The following EVI5 variants were observed in gnomAD, a reference collection of about 807,000 sequenced individuals.
EVI5 encodes the protein ecotropic viral integration site 5 protein homolog.
Under a neutral mutation model 112.0 loss-of-function variants are expected in EVI5, and 73 were observed. The observed-to-expected ratio is 0.65, with a 90% CI of 0.54 to 0.79. EVI5 has a LOEUF of 0.79. EVI5 is among the 30% of genes least tolerant of loss of function. EVI5 has a pLI of 0.00. For synonymous variants in EVI5, 305 were observed against 319.9 expected, an observed-to-expected ratio of 0.95 and a Z score of 0.50; for missense variants, 900 against 968.8, an observed-to-expected ratio of 0.93 and a Z score of 0.94.
At chr1:92,594,825 A>G (rs988311279) in intron 18 of EVI5, among the ~76,000 whole-genome samples, 12 of 150,998 alleles carry the variant, frequency 7.9e-5, no homozygotes, top group African/African-American at 2.9e-4. Flanking sequence ...AATGCTCATC[A>G]TCACTGGCCA....
At chr1:92,654,517 G>GA (rs1558005034) in intron 13 of EVI5, among the ~76,000 whole-genome samples, 1 of 151,926 alleles carries the variant, frequency 6.6e-6, no homozygotes, top group African/African-American at 2.4e-5. Flanking sequence ...TCCTTCAGAG[G>GA]AAAAAAATTC....
Position 92,695,397 on chromosome 1 carries a change from C to T in EVI5, c.822G>A (p.Met274Ile). Reference sequence around the variant, plus strand: ...TAGTCAGAAACCAGGATGATGCATACATTGAGGTATGAAAACTCTGAGATT... The same window carrying T: ...TAGTCAGAAACCAGGATGATGCATATATTGAGGTATGAAAACTCTGAGATT... ...HFQSQSFHTS[M>I]YASSWFLTIF... The change falls in exon 7 of 20, where the codon ATG (methionine) becomes ATA (isoleucine). Residue 274 changes from methionine (M) to isoleucine (I), a missense_variant. Coordinates refer to ENST00000684568, the MANE Select transcript of EVI5 (RefSeq NM_001350197.2). The T allele has an allele frequency of 1.2e-6, 2 of 1,606,186 alleles. No homozygotes were observed. The highest frequency in any genetic ancestry group is 1.1e-5 in the South Asian group (1 of 90,762).
At position 92,752,825 on chromosome 1, in the gene EVI5, G is replaced by GCTTA. The variant is rs199878703; in HGVS notation, c.-81-16202_-81-16199dup. Among the ~76,000 whole-genome samples the GCTTA allele has an allele frequency of 2.9e-3, 442 of 152,196 alleles. 2 individuals carry two copies. Among genetic ancestry groups the GCTTA allele is most frequent in the African/African-American group, 9.8e-3 (408 of 41,532 alleles). On this transcript the variant is annotated intron_variant, in intron 1 of 19. Transcript: ENST00000684568. ...ATGAGCATCAAGCAGTGAGCCCACT[G>GCTTA]CTTAGTAATACCAGTATCACTCACT...
chr1:92,598,127 C>G (rs943986296), intron 18 of EVI5, among the ~76,000 whole-genome samples: 4 of 152,082 alleles, frequency 2.6e-5, no homozygotes, highest in Admixed American at 6.6e-5. Context: ...TTGTCTCCCC[C>G]ACCACTGCCC....
At chr1:92,557,584 C>T (rs1334983059) in intron 19 of EVI5, among the ~76,000 whole-genome samples, 1 of 152,032 alleles carries the variant, frequency 6.6e-6, no homozygotes, top group Admixed American at 6.6e-5. Context: ...CAGGCATGAG[C>T]CACCATGAAG....
At chr1:92,772,132 G>A (rs937850715) in intron 1 of EVI5, among the ~76,000 whole-genome samples, 6 of 151,556 alleles carry the variant, frequency 4.0e-5, no homozygotes, top group Admixed American at 2.0e-4. Flanking sequence ...AATTACAGGC[G>A]TGAGCCACCA....
chr1:92,564,473 A>G (rs1404320298), intron 18 of EVI5, among the ~76,000 whole-genome samples: 2 of 152,060 alleles, frequency 1.3e-5, no homozygotes, highest in Non-Finnish European at 2.9e-5. Flanking sequence ...TCACTCTAAA[A>G]AGGGGAGGAC....
At chr1:92,587,640 A>T (rs911722405) in intron 18 of EVI5, among the ~76,000 whole-genome samples, 1 of 152,232 alleles carries the variant, frequency 6.6e-6, no homozygotes, top group African/African-American at 2.4e-5. Flanking sequence ...CAGAATTTTG[A>T]GTGGGCGTTT....
chr1:92,648,617 T>C (rs1661476806), intron 13 of EVI5, among the ~76,000 whole-genome samples: 2 of 152,196 alleles, frequency 1.3e-5, no homozygotes. Context: ...TTCCTATAAA[T>C]GGAGTCATAC....
intron 7 of EVI5, among the ~76,000 whole-genome samples, chr1:92,694,752 T>G (rs1054519360): frequency 3.9e-5 from 6 of 152,360 alleles, no homozygotes; most frequent in African/African-American, 1.4e-4. Flanking sequence ...CTAATTTAGA[T>G]AGGTAATACA....
intron 12 of EVI5, 92 bp downstream of exon 12, chr1:92,663,328 G>A (rs1664338787): frequency 1.9e-6 from 1 of 540,202 alleles, no homozygotes; most frequent in East Asian, 3.1e-5. Context: ...ATGTAAAATT[G>A]CATGCATTAA....
chr1:92,788,233 G>GCCAAA (rs1685799927), upstream of EVI5, among the ~76,000 whole-genome samples: 1 of 152,124 alleles, frequency 6.6e-6, no homozygotes, highest in Non-Finnish European at 1.5e-5. Flanking sequence ...ACTTTGGGAG[G>GCCAAA]CCAAGGTGGG....
intron 7 of EVI5, among the ~76,000 whole-genome samples, chr1:92,694,674 T>A (rs144083348): frequency 1.8e-3 from 278 of 152,300 alleles, no homozygotes; most frequent in African/African-American, 6.4e-3. Flanking sequence ...TGTGGAAGAA[T>A]GGATTTCGCA....
intron 19 of EVI5, among the ~76,000 whole-genome samples, chr1:92,534,132 C>T (rs1388607177): frequency 6.6e-6 from 1 of 151,998 alleles, no homozygotes; most frequent in African/African-American, 2.4e-5. Context: ...TCCTATATAC[C>T]AATAACAGAC....
chr1:92,528,049 CT>C (rs770817522), intron 19 of EVI5, among the ~76,000 whole-genome samples: 19 of 152,168 alleles, frequency 1.2e-4, no homozygotes, highest in Non-Finnish European at 2.6e-4. Flanking sequence ...TAATAGGCTC[CT>C]TACTTTTTGC....
At chr1:92,542,616 G>T (rs1571412112) in intron 19 of EVI5, among the ~76,000 whole-genome samples, 1 of 152,238 alleles carries the variant, frequency 6.6e-6, no homozygotes, top group Non-Finnish European at 1.5e-5. Context: ...ATGTCTTCTG[G>T]ATAACCTGCT....
intron 9 of EVI5, among the ~76,000 whole-genome samples, chr1:92,685,268 C>T (rs778939962): frequency 6.6e-5 from 10 of 152,218 alleles, no homozygotes; most frequent in East Asian, 1.9e-4. Context: ...AAACGCACAA[C>T]TATATGGAAA....
At chr1:92,645,795 T>C (rs930882294) in intron 13 of EVI5, among the ~76,000 whole-genome samples, 1 of 152,198 alleles carries the variant, frequency 6.6e-6, no homozygotes. Flanking sequence ...AATTAATGTC[T>C]CTTATATCTA....
Position 92,512,578 on chromosome 1 carries a change from T to C in EVI5, c.*1078A>G, listed in dbSNP as rs1002315213. 1 of 152,240 alleles carries C rather than the reference T, an allele frequency of 6.6e-6. No individual in the cohort carries two copies. Among genetic ancestry groups the C allele is most frequent in the Admixed American group, 6.5e-5 (1 of 15,288 alleles). 9.4% of individuals were successfully genotyped at this position (152,240 alleles called of 1,614,324 possible). ...CATGTATGTTCTTCATATAAAATGA[T>C]GTTCAATGTTAGGTGGTACAGATTT... On this transcript the variant is annotated 3_prime_UTR_variant, in exon 20 of 20. Transcript: ENST00000684568.
Sources: allele counts gnomAD v4.1 joint callset (sites outside exome capture counted in the v4.1 genomes callset), GRCh38; gene constraint gnomAD v4.1.1; transcripts MANE v1.5; gene names NCBI Gene and HGNC (gene_info 2026-07-23, HGNC 2026-07-21).